SNTA1: variants seen among roughly 807,000 people sequenced by gnomAD.
The protein encoded by SNTA1 is alpha-1-syntrophin.
In SNTA1, 31 loss-of-function variants were observed where a neutral mutation model predicts 47.1. That is an observed-to-expected ratio of 0.66 (90% confidence interval 0.49 to 0.89). The LOEUF is 0.89. SNTA1 is among the 40% of genes least tolerant of loss of function. The probability of loss-of-function intolerance (pLI) is 0.00; values close to 1 mark genes in which losing one functional copy is unlikely to be tolerated. For missense variants in SNTA1, 575 were observed against 693.0 expected (o/e 0.83, Z 1.91); for synonymous variants, 300 against 313.6 (o/e 0.96, Z 0.46).
chr20:33,408,164 C>T lies in SNTA1; in HGVS notation c.*343G>A, dbSNP rs41305789. 0.019 allele frequency: 6,965 copies of T among 367,110 alleles called. 557 individuals are homozygous for T. Among genetic ancestry groups the T allele is most frequent in the Admixed American group, 0.17 (4,527 of 26,314 alleles). The allele number at this position is 367,110 out of a possible 1,614,324, so 22.7% of individuals were successfully genotyped here. A position where few individuals can be genotyped will look rare whatever the true frequency, so the allele number is the denominator to read the frequency against. ...ACCTCTGGGGGTGGCTTAGGGGCCT[C>T]GAGGAGGCCCGGCAGCTCAGCTGTT... On this transcript the variant is annotated 3_prime_UTR_variant, in exon 8 of 8. Transcript: ENST00000217381.
At chr20:33,409,788 G>A (rs896052420) in intron 6 of SNTA1, among the ~76,000 whole-genome samples, 1 of 152,014 alleles carries the variant, frequency 6.6e-6, no homozygotes, top group African/African-American at 2.4e-5. Context: ...CCACCACCAT[G>A]CCCGGCTAAT....
At chr20:33,418,444 C>T (rs1989933083) in intron 2 of SNTA1, among the ~76,000 whole-genome samples, 3 of 151,946 alleles carry the variant, frequency 2.0e-5, no homozygotes, top group African/African-American at 7.2e-5. Flanking sequence ...GAGATGGGGT[C>T]ACGCCATGTT....
intron 2 of SNTA1, among the ~76,000 whole-genome samples, chr20:33,436,584 C>G (rs1990444250): frequency 6.6e-6 from 1 of 152,042 alleles, no homozygotes; most frequent in African/African-American, 2.4e-5. Context: ...GCCTGCAATC[C>G]CAGCACTTTG....
At chr20:33,419,086 C>A (rs376593194) in intron 2 of SNTA1, among the ~76,000 whole-genome samples, 4 of 151,876 alleles carry the variant, frequency 2.6e-5, no homozygotes, top group African/African-American at 9.7e-5. Flanking sequence ...CCAGCCTGGA[C>A]GATGAAGTGC....
At chr20:33,418,525 G>A (rs1409055080) in intron 2 of SNTA1, among the ~76,000 whole-genome samples, 1 of 152,010 alleles carries the variant, frequency 6.6e-6, no homozygotes, top group Non-Finnish European at 1.5e-5. Context: ...GGGCATGTTG[G>A]CTCATGCCTG....
At position 33,408,857 on chromosome 20, in the gene SNTA1, C is replaced by T. The variant is rs765356004; in HGVS notation, c.1269G>A (p.Leu423=). The T allele has an allele frequency of 3.1e-6, 5 of 1,614,208 alleles. No homozygotes were observed. The highest frequency in any genetic ancestry group is 4.2e-6 in the Non-Finnish European group (5 of 1,180,052). The change falls in exon 7 of 8, where the codon CTG becomes CTA. Residue 423 remains leucine (L), a synonymous_variant. Coordinates refer to ENST00000217381, the MANE Select transcript of SNTA1 (RefSeq NM_003098.3). ...ACTWNGRPCS[L]SVHIDKGFTL... ...TGAAGCCCTTGTCGATGTGCACAGA[C>T]AGGCTGCAGGGACGCCCATTCCACG...
chr20:33,412,764 C>T lies in SNTA1; in HGVS notation c.720G>A (p.Ser240=), dbSNP rs200454417. The T allele has an allele frequency of 5.0e-6, 8 of 1,611,248 alleles. No homozygotes were observed. Among genetic ancestry groups the T allele is most frequent in the East Asian group, 2.2e-5 (1 of 44,796 alleles). The change falls in exon 4 of 8, where the codon TCG becomes TCA. Residue 240 remains serine (S), a synonymous_variant. Transcript: ENST00000217381. ...DPEPRYLEIC[S]ADGQDTLFLR... ...GGAAGAGGGTGTCTTGACCATCTGCCGAGCAGATCTCCAGATACCTGCAGG... is the reference window on the plus strand; with the variant it reads ...GGAAGAGGGTGTCTTGACCATCTGCTGAGCAGATCTCCAGATACCTGCAGG...
chr20:33,443,547 C>T lies in SNTA1; in HGVS notation c.74G>A (p.Gly25Asp). The T allele has an allele frequency of 3.0e-6, 4 of 1,337,406 alleles. No homozygotes were observed. Among genetic ancestry groups the T allele is most frequent in the Non-Finnish European group, 3.9e-6 (4 of 1,036,794 alleles). 82.8% of individuals were successfully genotyped at this position (1,337,406 alleles called of 1,614,324 possible). A position where few individuals can be genotyped will look rare whatever the true frequency, so the allele number is the denominator to read the frequency against. ...LRAGAGSGAG[G>D]ERWQRVLLSL... The stretch of plus-strand genomic sequence containing the variant: ...CAGCAGCACCCGCTGCCATCGCTCG[C>T]CGCCGGCCCCCGAGCCCGCCCCGGC... The change falls in exon 1 of 8, where the codon GGC becomes GAC. Residue 25 changes from glycine to aspartate, a missense_variant. By Grantham distance (94) the Gly-to-Asp change is moderately conservative (BLOSUM62 -1). Coordinates refer to ENST00000217381, the MANE Select transcript of SNTA1 (RefSeq NM_003098.3).
intron 2 of SNTA1, among the ~76,000 whole-genome samples, chr20:33,434,923 G>T (rs1168458418): frequency 6.6e-6 from 1 of 151,266 alleles, no homozygotes; most frequent in Non-Finnish European, 1.5e-5. Flanking sequence ...AGAAGGCAAG[G>T]GTCTTACCCA....
rs377564487 is a variant in SNTA1, at chr20:33,442,343, G to A, written c.310+968C>T. On this transcript the variant is annotated intron_variant, in intron 1 of 7. Transcript: ENST00000217381. ...TGTATTCAAGGTGGAGACAAAGGCTGATACCCTTTCCCAAAGCACCTGCTG... is the reference window on the plus strand; with the variant it reads ...TGTATTCAAGGTGGAGACAAAGGCTAATACCCTTTCCCAAAGCACCTGCTG... Among the ~76,000 whole-genome samples the A allele has an allele frequency of 2.6e-5, 4 of 152,154 alleles. No individual in the cohort carries two copies. In the East Asian group the frequency reaches 7.7e-4, roughly 29 times the overall value.
At chr20:33,435,928 C>T (rs889955708) in intron 2 of SNTA1, among the ~76,000 whole-genome samples, 1 of 152,074 alleles carries the variant, frequency 6.6e-6, no homozygotes, top group African/African-American at 2.4e-5. Context: ...GGCGCGGTGG[C>T]TCACGCGTGT....
chr20:33,411,939 T>TA (rs1989748961), intron 5 of SNTA1, among the ~76,000 whole-genome samples: 1 of 151,966 alleles, frequency 6.6e-6, no homozygotes, highest in Non-Finnish European at 1.5e-5. Flanking sequence ...CCCAACAGAG[T>TA]TAAGTGGCTC....
At chr20:33,441,746 C>T (rs555639634) in intron 1 of SNTA1, among the ~76,000 whole-genome samples, 1 of 152,264 alleles carries the variant, frequency 6.6e-6, no homozygotes, top group African/African-American at 2.4e-5. Flanking sequence ...TGGGGAGTAA[C>T]TTTGTGTGAC....
rs775924918 is a variant in SNTA1 at position 33,410,200 on chromosome 20, G to C, written c.1172C>G (p.Ala391Gly). 6.2e-7 allele frequency: 1 copy of C among 1,614,074 alleles called. No individual in the cohort carries two copies. The highest frequency in any genetic ancestry group is 8.5e-7 in the Non-Finnish European group (1 of 1,180,004). Residue 391 changes from alanine to glycine, a missense_variant, in exon 6 of 8, where the codon GCC (alanine) becomes GGC (glycine). Coordinates refer to ENST00000217381, the MANE Select transcript of SNTA1 (RefSeq NM_003098.3). Reference sequence around the variant, plus strand: ...GCCATCCACAAGCTGGCGGGTCCAGGCAGCCAGCTCCTGCGGTGACTCCAC... The same window carrying C: ...GCCATCCACAAGCTGGCGGGTCCAGCCAGCCAGCTCCTGCGGTGACTCCAC... The part of the protein sequence containing the change: ...FSVESPQELA[A>G]WTRQLVDGCH...
At chr20:33,412,233 G>A in intron 5 of SNTA1, 63 bp downstream of exon 5, 1 of 1,557,088 alleles carries the variant, frequency 6.4e-7, no homozygotes, top group Non-Finnish European at 8.7e-7. Context: ...CAGCTTCTGG[G>A]GCCCTGCTGG....
chr20:33,425,791 G>GC lies in SNTA1; in HGVS notation c.497-7869dup, dbSNP rs546866011. On this transcript the variant is annotated intron_variant, in intron 2 of 7. Transcript: ENST00000217381. ...GTTTCCTTATTTTAAAAATGGAAGG[G>GC]CCGGGCACACTGGCTCCCGCCTGTA... Among the ~76,000 whole-genome samples the GC allele has an allele frequency of 9.8e-4, 150 of 152,318 alleles. No individual in the cohort carries two copies. The Middle Eastern group carries it at 0.01, about 10-fold the overall frequency.
intron 2 of SNTA1, among the ~76,000 whole-genome samples, chr20:33,434,975 G>A (rs1990401804): frequency 6.8e-6 from 1 of 147,792 alleles, no homozygotes; most frequent in Non-Finnish European, 1.5e-5. Context: ...AGGATTTCAG[G>A]CACCAGCTTT....
At chr20:33,435,711 C>G (rs1265792188) in intron 2 of SNTA1, among the ~76,000 whole-genome samples, 1 of 152,180 alleles carries the variant, frequency 6.6e-6, no homozygotes, top group Non-Finnish European at 1.5e-5. Context: ...TTAATATACA[C>G]AGCAGGCACA....
chr20:33,426,487 C>T (rs1990174340), intron 2 of SNTA1, among the ~76,000 whole-genome samples: 1 of 149,602 alleles, frequency 6.7e-6, no homozygotes, highest in Non-Finnish European at 1.5e-5. Context: ...GCAGGTTGGG[C>T]ACAGTGGCTC....
Sources: gnomAD v4.1 joint callset for allele counts (sites outside exome capture counted in the v4.1 genomes callset) on GRCh38, gnomAD v4.1.1 for gene constraint, MANE v1.5 for transcripts, NCBI Gene and HGNC (gene_info 2026-07-23, HGNC 2026-07-21) for gene names.